TTC27: variants seen among roughly 807,000 people sequenced by gnomAD.
TTC27 encodes the protein tetratricopeptide repeat protein 27.
TTC27 carries 79 observed loss-of-function variants against 115.9 expected under a neutral mutation model. The observed-to-expected ratio is 0.68, with a 90% CI of 0.57 to 0.82. The LOEUF (loss-of-function observed/expected upper bound fraction) is 0.82. TTC27 is among the 40% of genes least tolerant of loss of function. The probability of loss-of-function intolerance (pLI) is 0.00; values close to 1 mark genes in which losing one functional copy is unlikely to be tolerated. For missense variants in TTC27, 1,054 were observed against 993.1 expected (o/e 1.06, Z -0.82); for synonymous variants, 401 against 356.0 (o/e 1.13, Z -1.42).
intron 10 of TTC27, among the ~76,000 whole-genome samples, chr2:32,724,179 A>G (rs1037084193): frequency 6.6e-6 from 1 of 152,036 alleles, no homozygotes; most frequent in Non-Finnish European, 1.5e-5. Context: ...TTGGAGGTAG[A>G]TGGGCTGTAG....
chr2:32,811,041 C>T lies in TTC27; in HGVS notation c.2016C>T (p.Val672=). 2 of 1,614,054 alleles carry T rather than the reference C, an allele frequency of 1.2e-6. No homozygotes were observed. The highest frequency in any genetic ancestry group is 8.5e-7 in the Non-Finnish European group (1 of 1,180,010). ...TTTTTAAGGTCCTTAAAATTCTAGT[C>T]AGGGCAGTGATTGATGGGATGACTG... The part of the protein sequence containing the change: ...YKDVQVLKIL[V]RAVIDGMTDR... Residue 672 remains valine (V), a synonymous_variant, in exon 17 of 20, where the codon GTC becomes GTT. Transcript: ENST00000317907.
chr2:32,684,681 A>G (rs1666569514), intron 9 of TTC27, among the ~76,000 whole-genome samples: 1 of 152,004 alleles, frequency 6.6e-6, no homozygotes, highest in South Asian at 2.1e-4. Context: ...ATGATTACCC[A>G]TTTTTCTTCT....
chr2:32,694,056 A>G (rs886305743), intron 9 of TTC27, among the ~76,000 whole-genome samples: 3 of 152,122 alleles, frequency 2.0e-5, no homozygotes, highest in African/African-American at 7.2e-5. Flanking sequence ...TAGTTACTGC[A>G]TTTTTCTCAG....
rs1184276958 is a variant in TTC27 at position 32,754,093 on chromosome 2, A to T, written c.1453-4199A>T. Among the ~76,000 whole-genome samples the T allele has an allele frequency of 2.0e-5, 3 of 148,446 alleles. No homozygotes were observed. In the East Asian group the frequency reaches 5.8e-4, roughly 29 times the overall value. On this transcript the variant is annotated intron_variant, in intron 12 of 19. Coordinates refer to ENST00000317907, the MANE Select transcript of TTC27 (RefSeq NM_017735.5). Reference sequence around the variant, plus strand: ...CATCTCAAAAATAAAAATAAAATAAAAAATAAAAATAAATAAAAAATTAAA... The same window carrying T: ...CATCTCAAAAATAAAAATAAAATAATAAATAAAAATAAATAAAAAATTAAA...
At chr2:32,768,274 A>G (rs1410240190) in intron 13 of TTC27, among the ~76,000 whole-genome samples, 1 of 152,206 alleles carries the variant, frequency 6.6e-6, no homozygotes, top group South Asian at 2.1e-4. Flanking sequence ...TTTTGAAAAT[A>G]ATTTTTGAAT....
chr2:32,705,316 A>G (rs1572532700), intron 10 of TTC27, among the ~76,000 whole-genome samples: 1 of 152,136 alleles, frequency 6.6e-6, no homozygotes, highest in African/African-American at 2.4e-5. Context: ...CTGCAGAACC[A>G]TGAGCCAAAT....
chr2:32,803,304 C>T (rs1671020143), intron 16 of TTC27, among the ~76,000 whole-genome samples: 1 of 152,270 alleles, frequency 6.6e-6, no homozygotes, highest in African/African-American at 2.4e-5. Context: ...GTCTGCTCTC[C>T]ACCCTAGCCT....
chr2:32,694,663 G>T (rs2151896621), intron 9 of TTC27, among the ~76,000 whole-genome samples: 1 of 149,884 alleles, frequency 6.7e-6, no homozygotes, highest in African/African-American at 2.4e-5. Context: ...TTGAATGTAA[G>T]ATTCCTATTT....
At chr2:32,788,464 TC>T (rs1177701736) in intron 16 of TTC27, among the ~76,000 whole-genome samples, 2 of 152,206 alleles carry the variant, frequency 1.3e-5, no homozygotes, top group Admixed American at 1.3e-4. Context: ...AGTCTGCTTT[TC>T]TATCCTCTTG....
At chr2:32,783,049 T>C (rs13021145) in intron 15 of TTC27, among the ~76,000 whole-genome samples, 14,071 of 152,174 alleles carry the variant, frequency 0.092, 772 homozygotes, top group Middle Eastern at 0.23. Flanking sequence ...TTGAGAAATA[T>C]AAATAAATAT....
At chr2:32,772,346 C>G (rs370723413) in intron 13 of TTC27, among the ~76,000 whole-genome samples, 3 of 152,150 alleles carry the variant, frequency 2.0e-5, no homozygotes, top group East Asian at 1.9e-4. Flanking sequence ...TCTAAGGTCT[C>G]TAATTGAATT....
chr2:32,813,702 T>A (rs774240607), intron 18 of TTC27, among the ~76,000 whole-genome samples: 3 of 152,186 alleles, frequency 2.0e-5, no homozygotes, highest in Non-Finnish European at 2.9e-5. Context: ...TTTGGCTTGC[T>A]TATAAAGAAG....
intron 10 of TTC27, among the ~76,000 whole-genome samples, chr2:32,718,937 A>C (rs1308740334): frequency 6.6e-6 from 1 of 152,212 alleles, no homozygotes; most frequent in Non-Finnish European, 1.5e-5. Context: ...CCTTCTGAAC[A>C]GACATGTGAG....
chr2:32,724,978 A>C (rs11124289), intron 10 of TTC27, among the ~76,000 whole-genome samples: 35,078 of 152,096 alleles, frequency 0.23, 4,712 homozygotes, highest in South Asian at 0.43. Flanking sequence ...GCAGCAGACA[A>C]AGAGAGAGCT....
chr2:32,643,279 G>A (rs962581188), intron 4 of TTC27, among the ~76,000 whole-genome samples: 3 of 151,880 alleles, frequency 2.0e-5, no homozygotes, highest in Admixed American at 1.3e-4. Context: ...AAAGACTGAC[G>A]ATTACTTTGC....
At chr2:32,689,598 A>G (rs557445076) in intron 9 of TTC27, among the ~76,000 whole-genome samples, 1 of 152,292 alleles carries the variant, frequency 6.6e-6, no homozygotes, top group Non-Finnish European at 1.5e-5. Flanking sequence ...CCTGCATGTA[A>G]AAGAAATCCC....
chr2:32,755,067 G>A (rs1475620260), intron 12 of TTC27, among the ~76,000 whole-genome samples: 11 of 151,814 alleles, frequency 7.2e-5, no homozygotes, highest in Non-Finnish European at 1.0e-4. Context: ...CAGACGGGGC[G>A]GCCGGGCAGA....
intron 16 of TTC27, among the ~76,000 whole-genome samples, chr2:32,809,901 G>A (rs915587171): frequency 7.2e-5 from 11 of 152,056 alleles, no homozygotes; most frequent in African/African-American, 2.4e-4. Context: ...GGTGGGTCAC[G>A]AGGTCAGGAG....
chr2:32,799,127 C>G (rs1438889067), intron 16 of TTC27, among the ~76,000 whole-genome samples: 1 of 151,956 alleles, frequency 6.6e-6, no homozygotes, highest in Non-Finnish European at 1.5e-5. Flanking sequence ...TGAAGTAAAC[C>G]AGTCACAAAA....
Sources: allele counts gnomAD v4.1 joint callset (sites outside exome capture counted in the v4.1 genomes callset), GRCh38; gene constraint gnomAD v4.1.1; transcripts MANE v1.5; gene names NCBI Gene and HGNC (gene_info 2026-07-23, HGNC 2026-07-21).